MAGI2: variants seen among roughly 807,000 people sequenced by gnomAD.
The protein encoded by MAGI2 is membrane associated guanylate kinase, WW and PDZ domain containing 2.
MAGI2 carries 35 observed loss-of-function variants against 133.3 expected under a neutral mutation model. The ratio of observed to expected loss-of-function variants is 0.26; its 90% CI spans 0.20 to 0.35. The LOEUF (loss-of-function observed/expected upper bound fraction) is 0.35, where lower values mean the gene tolerates loss of function less well. Ranked by LOEUF, MAGI2 falls within the 10% of genes least tolerant of loss-of-function variation. MAGI2 has a pLI of 1.00. For missense variants in MAGI2, 1,636 were observed against 1,863.4 expected, an observed-to-expected ratio of 0.88 and a Z score of 2.25; for synonymous variants, 729 against 710.6, an observed-to-expected ratio of 1.03 and a Z score of -0.41.
intron 20 of MAGI2, among the ~76,000 whole-genome samples, chr7:78,108,668 G>GTA (rs1818956645): frequency 7.1e-6 from 1 of 139,872 alleles, no homozygotes; most frequent in African/African-American, 2.7e-5. Flanking sequence ...GTGTGTGTGT[G>GTA]TATACACACA....
chr7:78,306,542 A>G (rs2151085418), intron 9 of MAGI2, among the ~76,000 whole-genome samples: 1 of 152,314 alleles, frequency 6.6e-6, no homozygotes, highest in Admixed American at 6.5e-5. Context: ...TTTAAATAAA[A>G]GACAAGCTGC....
At chr7:78,397,571 T>C (rs1237244478) in intron 6 of MAGI2, among the ~76,000 whole-genome samples, 5 of 152,150 alleles carry the variant, frequency 3.3e-5, no homozygotes, top group African/African-American at 1.2e-4. Context: ...ATCAAGAGTT[T>C]GGCAGGCAGG....
At chr7:78,197,387 T>C (rs2150746875) in intron 11 of MAGI2, among the ~76,000 whole-genome samples, 1 of 152,328 alleles carries the variant, frequency 6.6e-6, no homozygotes, top group Middle Eastern at 3.4e-3. Flanking sequence ...CTCTCCCACT[T>C]GTCATCACAA....
intron 21 of MAGI2, among the ~76,000 whole-genome samples, chr7:78,056,393 C>A (rs766511339): frequency 1.3e-5 from 2 of 152,044 alleles, no homozygotes; most frequent in Non-Finnish European, 2.9e-5. Context: ...GCACTATTTA[C>A]AATACTAAAG....
At chr7:78,283,550 C>A (rs571709955) in intron 9 of MAGI2, among the ~76,000 whole-genome samples, 1 of 152,074 alleles carries the variant, frequency 6.6e-6, no homozygotes, top group African/African-American at 2.4e-5. Flanking sequence ...TTTAAATGTT[C>A]TCATTAGCAT....
intron 2 of MAGI2, chr7:78,947,005 A>G (rs1801470028): frequency 6.6e-6 from 1 of 152,092 alleles, no homozygotes; most frequent in African/African-American, 2.4e-5. Flanking sequence ...TCAGTAGCTA[A>G]AATAATCTTG....
intron 2 of MAGI2, among the ~76,000 whole-genome samples, chr7:78,832,644 A>C (rs1791284983): frequency 6.6e-6 from 1 of 152,170 alleles, no homozygotes; most frequent in African/African-American, 2.4e-5. Context: ...TCATGATACA[A>C]GGGGGAACTA....
chr7:79,278,879 C>T (rs991116364), intron 1 of MAGI2, among the ~76,000 whole-genome samples: 2 of 151,938 alleles, frequency 1.3e-5, no homozygotes, highest in Non-Finnish European at 2.9e-5. Context: ...ATAAAGGTAG[C>T]AAAAACCTAC....
At chr7:79,116,033 C>T (rs1439230830) in intron 1 of MAGI2, among the ~76,000 whole-genome samples, 2 of 151,766 alleles carry the variant, frequency 1.3e-5, no homozygotes, top group Non-Finnish European at 2.9e-5. Context: ...CACTCAGCAG[C>T]GAGGCAGACA....
intron 2 of MAGI2, among the ~76,000 whole-genome samples, chr7:78,954,714 T>G (rs1459520752): frequency 6.6e-6 from 1 of 152,170 alleles, no homozygotes; most frequent in Non-Finnish European, 1.5e-5. Flanking sequence ...AAACATTTAG[T>G]TCCTTGAAAA....
chr7:79,014,516 T>C (rs915895530), intron 1 of MAGI2, among the ~76,000 whole-genome samples: 1 of 152,104 alleles, frequency 6.6e-6, no homozygotes, highest in Admixed American at 6.5e-5. Flanking sequence ...TACCTAACTC[T>C]TACAAATTAG....
At chr7:78,518,646 T>G (rs1796239606) in intron 4 of MAGI2, 1 of 152,218 alleles carries the variant, frequency 6.6e-6, no homozygotes, top group Non-Finnish European at 1.5e-5. Flanking sequence ...ATATTTATGC[T>G]CTGAATTGAA....
chr7:79,186,291 A>T (rs201915907), intron 1 of MAGI2, among the ~76,000 whole-genome samples: 9 of 144,558 alleles, frequency 6.2e-5, no homozygotes, highest in East Asian at 2.1e-4. Context: ...TATATATATA[A>T]AGTTTAATGA....
chr7:78,270,471 C>G (rs1088560), intron 9 of MAGI2, among the ~76,000 whole-genome samples: 5 of 152,060 alleles, frequency 3.3e-5, no homozygotes, highest in African/African-American at 1.2e-4. Context: ...TTGAAGAGGT[C>G]CTTCACATCC....
intron 21 of MAGI2, among the ~76,000 whole-genome samples, chr7:78,033,105 A>C (rs1291770433): frequency 6.6e-6 from 1 of 152,162 alleles, no homozygotes; most frequent in African/African-American, 2.4e-5. Flanking sequence ...CGGGCAAGAC[A>C]TGATGGTAGC....
chr7:78,417,318 TATTC>T (rs1798390515), intron 6 of MAGI2, among the ~76,000 whole-genome samples: 1 of 138,166 alleles, frequency 7.2e-6, no homozygotes, highest in African/African-American at 2.7e-5. Context: ...AAAAAAAAAA[TATTC>T]ATTGCCTCTG....
intron 1 of MAGI2, among the ~76,000 whole-genome samples, chr7:79,085,991 G>T (rs1816450219): frequency 6.6e-6 from 1 of 151,890 alleles, no homozygotes; most frequent in Non-Finnish European, 1.5e-5. Flanking sequence ...CTGGGCACAT[G>T]CACAATTCTT....
At chr7:78,283,373 G>C (rs1795822110) in intron 9 of MAGI2, among the ~76,000 whole-genome samples, 1 of 152,022 alleles carries the variant, frequency 6.6e-6, no homozygotes, top group African/African-American at 2.4e-5. Context: ...AAGAATGGCT[G>C]GTGATGGAAT....
intron 4 of MAGI2, among the ~76,000 whole-genome samples, chr7:78,503,857 T>A (rs959301035): frequency 6.6e-6 from 1 of 151,690 alleles, no homozygotes; most frequent in African/African-American, 2.4e-5. Context: ...CCCTTTGCCT[T>A]CCACCATGAT....
Sources: gnomAD v4.1 joint callset for allele counts (sites outside exome capture counted in the v4.1 genomes callset) on GRCh38, gnomAD v4.1.1 for gene constraint, MANE v1.5 for transcripts, NCBI Gene and HGNC (gene_info 2026-07-23, HGNC 2026-07-21) for gene names.